ARHGAP31: variants seen among roughly 807,000 people sequenced by gnomAD.
The protein encoded by ARHGAP31 is rho GTPase-activating protein 31.
In ARHGAP31, 34 loss-of-function variants were observed where a neutral mutation model predicts 113.9. That is an observed-to-expected ratio of 0.30 (90% CI 0.23 to 0.40). The LOEUF (loss-of-function observed/expected upper bound fraction) is 0.40, where lower values mean the gene tolerates loss of function less well. Among genes scored for constraint, ARHGAP31 ranks in the 10% least tolerant of loss-of-function variants. ARHGAP31 has a pLI of 1.00. For missense variants in ARHGAP31, 1,548 were observed against 1,767.1 expected, an observed-to-expected ratio of 0.88 and a Z score of 2.22; for synonymous variants, 650 against 684.8, an observed-to-expected ratio of 0.95 and a Z score of 0.79.
At chr3:119,346,367 A>ATTCT (rs1255309331) in intron 1 of ARHGAP31, among the ~76,000 whole-genome samples, 3 of 152,250 alleles carry the variant, frequency 2.0e-5, no homozygotes, top group Non-Finnish European at 4.4e-5. Context: ...ATAGAAGGGG[A>ATTCT]GAGACAGCCT....
chr3:119,343,209 A>AG (rs2080024817), intron 1 of ARHGAP31, among the ~76,000 whole-genome samples: 2 of 152,200 alleles, frequency 1.3e-5, no homozygotes, highest in South Asian at 4.1e-4. Context: ...AGTAGGTGCC[A>AG]GGGGGAACTC....
At chr3:119,373,726 A>C (rs962688861) in intron 3 of ARHGAP31, among the ~76,000 whole-genome samples, 5 of 151,878 alleles carry the variant, frequency 3.3e-5, no homozygotes, top group Non-Finnish European at 7.4e-5. Context: ...GGCCTCCCAA[A>C]GTGCTGGGAT....
In ARHGAP31 at chr3:119,368,394, T is replaced by G; in HGVS notation, c.226T>G (p.Cys76Gly). 6.2e-7 allele frequency: 1 copy of G among 1,614,216 alleles called. No homozygotes were observed. The highest frequency in any genetic ancestry group is 8.5e-7 in the Non-Finnish European group (1 of 1,180,002). ...RLRQEFGSDQ[C>G]PDLTREVYLQ... is the part of the protein sequence containing the mutation. ...CAGGCAAGAGTTTGGCTCAGATCAATGTCCAGATCTGACAAGGGAAGTGTA... is the reference window on the plus strand; with the variant it reads ...CAGGCAAGAGTTTGGCTCAGATCAAGGTCCAGATCTGACAAGGGAAGTGTA... Residue 76 changes from cysteine (C) to glycine (G), a missense_variant, in exon 3 of 12, where the codon TGT becomes GGT. By Grantham distance (159) the Cys-to-Gly change is radical (BLOSUM62 -3). Coordinates refer to ENST00000264245, the MANE Select transcript of ARHGAP31 (RefSeq NM_020754.4).
chr3:119,397,420 C>A (rs1156876462), intron 8 of ARHGAP31, among the ~76,000 whole-genome samples: 1 of 152,224 alleles, frequency 6.6e-6, no homozygotes, highest in Non-Finnish European at 1.5e-5. Context: ...AGAAATACAG[C>A]TCCTGGAAAA....
chr3:119,414,111 C>A lies in ARHGAP31; in HGVS notation c.2182C>A (p.Gln728Lys). 1 of 1,614,194 alleles carries A rather than the reference C, an allele frequency of 6.2e-7. No homozygotes were observed. Among genetic ancestry groups the A allele is most frequent in the Non-Finnish European group, 8.5e-7 (1 of 1,180,036 alleles). The change falls in exon 12 of 12, where the codon CAG becomes AAG. Residue 728 changes from glutamine to lysine, a missense_variant. Gln to Lys is a moderately conservative substitution (Grantham distance 53). Coordinates refer to ENST00000264245, the MANE Select transcript of ARHGAP31 (RefSeq NM_020754.4). Reference protein sequence around the residue: ...WTRDPANQSTQGASTAASREK... With the variant: ...WTRDPANQSTKGASTAASREK... ...TAGGGATCCAGCCAATCAGAGCACA[C>A]AGGGGGCTTCCACAGCAGCCAGCAG...
chr3:119,298,387 T>C (rs1206402673), intron 1 of ARHGAP31, among the ~76,000 whole-genome samples: 1 of 152,206 alleles, frequency 6.6e-6, no homozygotes, highest in African/African-American at 2.4e-5. Flanking sequence ...TGTTGCTGTC[T>C]GTGGTTGGGA....
intron 9 of ARHGAP31, among the ~76,000 whole-genome samples, chr3:119,400,018 A>G (rs1379580095): frequency 6.6e-6 from 1 of 152,246 alleles, no homozygotes; most frequent in Non-Finnish European, 1.5e-5. Flanking sequence ...CAGACTGTTA[A>G]AACTCCCCTA....
At chr3:119,328,561 G>A (rs1402678342) in intron 1 of ARHGAP31, among the ~76,000 whole-genome samples, 1 of 152,120 alleles carries the variant, frequency 6.6e-6, no homozygotes, top group African/African-American at 2.4e-5. Context: ...TTCAAACTTT[G>A]AAGATACCTA....
At chr3:119,385,601 A>G (rs2080442861) in intron 6 of ARHGAP31, among the ~76,000 whole-genome samples, 1 of 152,206 alleles carries the variant, frequency 6.6e-6, no homozygotes, top group Admixed American at 6.5e-5. Context: ...TGAGCCCACA[A>G]AAAATTTATT....
chr3:119,316,529 T>C (rs1022832825), intron 1 of ARHGAP31, among the ~76,000 whole-genome samples: 1 of 152,246 alleles, frequency 6.6e-6, no homozygotes, highest in African/African-American at 2.4e-5. Context: ...GAGAAATCCC[T>C]GGCCAGCTGC....
At chr3:119,321,546 G>GTA (rs533650460) in intron 1 of ARHGAP31, among the ~76,000 whole-genome samples, 3 of 149,792 alleles carry the variant, frequency 2.0e-5, no homozygotes, top group Admixed American at 6.7e-5. Context: ...CTGTGTGTGT[G>GTA]TATATATATA....
At chr3:119,375,482 A>T (rs1325987608) in intron 3 of ARHGAP31, among the ~76,000 whole-genome samples, 1 of 152,200 alleles carries the variant, frequency 6.6e-6, no homozygotes, top group Non-Finnish European at 1.5e-5. Context: ...CAGATAATCG[A>T]GGATAATGTC....
At chr3:119,298,839 T>C (rs1318554453) in intron 1 of ARHGAP31, 2 of 203,942 alleles carry the variant, frequency 9.8e-6, no homozygotes, top group South Asian at 8.3e-5. Flanking sequence ...AGCAAGCGTC[T>C]TCACCGCCTA....
At chr3:119,354,475 T>C (rs2107618007) in intron 1 of ARHGAP31, among the ~76,000 whole-genome samples, 1 of 70,348 alleles carries the variant, frequency 1.4e-5, no homozygotes, top group Middle Eastern at 6.3e-3. Context: ...GTGTGTGTGG[T>C]TTGTGTGTGT....
rs889899364 is a variant in ARHGAP31, at chr3:119,413,718, G to A, written c.1927-138G>A. On this transcript the variant is annotated intron_variant, in intron 11 of 11. Coordinates refer to ENST00000264245, the MANE Select transcript of ARHGAP31 (RefSeq NM_020754.4). ...ATGGTGAGCACTCAAATAGCCACAGGTATTATCGGTGCTGCATCCTGTATT... is the reference window on the plus strand; with the variant it reads ...ATGGTGAGCACTCAAATAGCCACAGATATTATCGGTGCTGCATCCTGTATT... The A allele has an allele frequency of 1.7e-5, 20 of 1,157,540 alleles. No individual in the cohort carries two copies. The South Asian group carries it at 1.7e-4, about 10-fold the overall frequency. 71.7% of individuals were successfully genotyped at this position (1,157,540 alleles called of 1,614,324 possible). A position where few individuals can be genotyped will look rare whatever the true frequency, so the allele number is the denominator to read the frequency against.
chr3:119,401,188 T>A (rs1009680219), intron 9 of ARHGAP31, among the ~76,000 whole-genome samples: 2 of 132,374 alleles, frequency 1.5e-5, no homozygotes, highest in Non-Finnish European at 3.3e-5. Flanking sequence ...AAAAAAAAAA[T>A]TCACTCCTCA....
intron 2 of ARHGAP31, 35 bp from the exon 3 acceptor site, chr3:119,368,337 C>T: frequency 1.2e-6 from 2 of 1,613,520 alleles, no homozygotes; most frequent in Non-Finnish European, 1.7e-6. Flanking sequence ...CACACACTCC[C>T]TGGGATTGTT....
At chr3:119,316,006 T>C (rs1298947748) in intron 1 of ARHGAP31, among the ~76,000 whole-genome samples, 2 of 152,212 alleles carry the variant, frequency 1.3e-5, no homozygotes, top group East Asian at 3.8e-4. Flanking sequence ...AGGACACTGA[T>C]GTTCCCTAAG....
chr3:119,313,700 T>C (rs6799733), intron 1 of ARHGAP31, among the ~76,000 whole-genome samples: 59,521 of 152,042 alleles, frequency 0.39, 11,870 homozygotes, highest in Non-Finnish European at 0.41. Context: ...CACAAACTGG[T>C]ATATCCATGC....
Sources: allele counts gnomAD v4.1 joint callset (sites outside exome capture counted in the v4.1 genomes callset), GRCh38; gene constraint gnomAD v4.1.1; transcripts MANE v1.5; gene names NCBI Gene and HGNC (gene_info 2026-07-23, HGNC 2026-07-21).